ZBTB20: variants seen among roughly 807,000 people sequenced by gnomAD.
ZBTB20 encodes zinc finger and BTB domain containing 20, also known as zinc finger and BTB domain-containing protein 20.
ZBTB20 carries 9 observed loss-of-function variants against 56.9 expected under a neutral mutation model. That is an observed-to-expected ratio of 0.16 (90% CI 0.10 to 0.28). The LOEUF (loss-of-function observed/expected upper bound fraction) is 0.28. Among genes scored for constraint, ZBTB20 ranks in the 10% least tolerant of loss-of-function variants. ZBTB20 has a pLI of 1.00. For synonymous variants in ZBTB20, 417 were observed against 420.7 expected, an observed-to-expected ratio of 0.99 and a Z score of 0.11; for missense variants, 655 against 1,003.0, an observed-to-expected ratio of 0.65 and a Z score of 4.69.
At chr3:114,946,138 T>C (rs2076880381) in intron 3 of ZBTB20, among the ~76,000 whole-genome samples, 1 of 145,666 alleles carries the variant, frequency 6.9e-6, no homozygotes, top group South Asian at 2.1e-4. Flanking sequence ...ATAAAAGTTT[T>C]GAACACCAAG....
At chr3:114,906,633 G>A (rs2075328772) in intron 3 of ZBTB20, among the ~76,000 whole-genome samples, 1 of 151,164 alleles carries the variant, frequency 6.6e-6, no homozygotes, top group Non-Finnish European at 1.5e-5. Context: ...ATGTATACAA[G>A]TAGCTATTAG....
chr3:114,390,766 G>C (rs1490600922), intron 7 of ZBTB20, among the ~76,000 whole-genome samples: 1 of 152,214 alleles, frequency 6.6e-6, no homozygotes. Context: ...TGTTTATATA[G>C]CATCTATGAG....
intron 7 of ZBTB20, among the ~76,000 whole-genome samples, chr3:114,448,579 A>G (rs2091414073): frequency 6.6e-6 from 1 of 152,150 alleles, no homozygotes; most frequent in Non-Finnish European, 1.5e-5. Context: ...TAGATATCAC[A>G]TATAGGAAAA....
chr3:114,818,904 T>G (rs955217055), intron 4 of ZBTB20, among the ~76,000 whole-genome samples: 1 of 151,972 alleles, frequency 6.6e-6, no homozygotes, highest in Non-Finnish European at 1.5e-5. Flanking sequence ...TTAATAACTT[T>G]GAAACCCCAA....
chr3:114,852,425 G>C (rs1216664545), intron 4 of ZBTB20, among the ~76,000 whole-genome samples: 2 of 151,456 alleles, frequency 1.3e-5, no homozygotes, highest in Non-Finnish European at 2.9e-5. Context: ...CACCATGCCC[G>C]GCTAATTTTT....
intron 6 of ZBTB20, among the ~76,000 whole-genome samples, chr3:114,626,916 T>C (rs998414180): frequency 2.0e-5 from 3 of 152,210 alleles, no homozygotes; most frequent in Non-Finnish European, 4.4e-5. Flanking sequence ...CAGCAGTGAT[T>C]ACTGTGTAAC....
chr3:114,627,698 T>C (rs1046813992), intron 6 of ZBTB20, among the ~76,000 whole-genome samples: 10 of 152,234 alleles, frequency 6.6e-5, no homozygotes, highest in Admixed American at 2.0e-4. Flanking sequence ...ATAATTCCAT[T>C]GTATTTTGTA....
intron 5 of ZBTB20, among the ~76,000 whole-genome samples, chr3:114,796,418 T>C (rs1013428142): frequency 2.6e-5 from 4 of 151,978 alleles, no homozygotes; most frequent in African/African-American, 7.2e-5. Flanking sequence ...GTCATGTATA[T>C]TGATTAGGGA....
intron 5 of ZBTB20, among the ~76,000 whole-genome samples, chr3:114,753,834 T>C (rs1227634625): frequency 1.3e-5 from 2 of 152,126 alleles, no homozygotes; most frequent in African/African-American, 2.4e-5. Flanking sequence ...ACAGTATCCC[T>C]AGTCCATAAA....
At chr3:114,996,246 T>C (rs2079021785) in intron 2 of ZBTB20, among the ~76,000 whole-genome samples, 1 of 151,886 alleles carries the variant, frequency 6.6e-6, no homozygotes, top group Non-Finnish European at 1.5e-5. Flanking sequence ...CCGGGGTACA[T>C]GTGTAGAACA....
At chr3:114,606,197 C>T (rs1279832632) in intron 6 of ZBTB20, among the ~76,000 whole-genome samples, 1 of 152,172 alleles carries the variant, frequency 6.6e-6, no homozygotes, top group Admixed American at 6.5e-5. Flanking sequence ...TTTGTTGTCT[C>T]TGGAAGCATG....
intron 6 of ZBTB20, chr3:114,502,991 T>G (rs766775574): frequency 1.3e-5 from 2 of 152,218 alleles, no homozygotes. Flanking sequence ...TTATACCTAG[T>G]GTTTATGTTC....
chr3:114,815,549 T>A (rs2072856068), intron 4 of ZBTB20, among the ~76,000 whole-genome samples: 1 of 152,226 alleles, frequency 6.6e-6, no homozygotes, highest in Non-Finnish European at 1.5e-5. Context: ...AACGGAAATA[T>A]TTCAAGTATT....
rs548444331 is a variant in ZBTB20, at chr3:114,545,420, C to T, written c.-294-45029G>A. 7.2e-5 allele frequency among the ~76,000 whole-genome samples: 11 copies of T among 152,184 alleles called. No homozygotes were observed. In the South Asian group the frequency reaches 1.0e-3, roughly 14 times the overall value. On this transcript the variant is annotated intron_variant, in intron 6 of 11. Coordinates refer to ENST00000675478, the MANE Select transcript of ZBTB20 (RefSeq NM_001348800.3). ...AATTTAGTTAAAAGGCATCAGGGTG[C>T]GAGGATCAAGAACACTGGCTTTGGT... is the stretch of plus-strand genomic sequence containing the variant.
chr3:114,550,252 T>G (rs2050408550), intron 6 of ZBTB20, among the ~76,000 whole-genome samples: 1 of 152,186 alleles, frequency 6.6e-6, no homozygotes, highest in Non-Finnish European at 1.5e-5. Flanking sequence ...ACTTCTTTAT[T>G]TATTTTTTCT....
intron 6 of ZBTB20, among the ~76,000 whole-genome samples, chr3:114,654,809 T>C (rs1046972548): frequency 1.1e-4 from 17 of 152,200 alleles, no homozygotes; most frequent in African/African-American, 3.9e-4. Flanking sequence ...TTTTACTATT[T>C]CTCTCTAGTT....
chr3:114,797,640 G>A (rs868822542), intron 5 of ZBTB20, among the ~76,000 whole-genome samples: 9 of 151,930 alleles, frequency 5.9e-5, no homozygotes, highest in South Asian at 2.1e-4. Flanking sequence ...AGGAGGCACA[G>A]AACATTAATT....
chr3:114,854,491 T>C (rs1164049509), intron 4 of ZBTB20, among the ~76,000 whole-genome samples: 3 of 152,194 alleles, frequency 2.0e-5, no homozygotes, highest in Non-Finnish European at 4.4e-5. Flanking sequence ...AGTACATTTG[T>C]ATAGTTTTTG....
chr3:115,024,427 G>A (rs2080334868), intron 2 of ZBTB20, among the ~76,000 whole-genome samples: 1 of 150,976 alleles, frequency 6.6e-6, no homozygotes, highest in South Asian at 2.1e-4. Context: ...CTGGTACTCA[G>A]AGACCTCTAC....
Sources: gnomAD v4.1 joint callset for allele counts (sites outside exome capture counted in the v4.1 genomes callset) on GRCh38, gnomAD v4.1.1 for gene constraint, MANE v1.5 for transcripts, NCBI Gene and HGNC (gene_info 2026-07-23, HGNC 2026-07-21) for gene names.